PISD: variants seen among roughly 807,000 people sequenced by gnomAD.
PISD encodes phosphatidylserine decarboxylase.
A neutral mutation model predicts 43.5 loss-of-function variants in PISD; 31 were observed. The ratio of observed to expected loss-of-function variants is 0.71; its 90% CI spans 0.54 to 0.96. The LOEUF (loss-of-function observed/expected upper bound fraction) is 0.96. Among genes scored for constraint, PISD ranks in the 40% least tolerant of loss-of-function variants. PISD has a pLI of 0.00. For missense variants in PISD, 523 were observed against 548.4 expected (o/e 0.95, Z 0.46); for synonymous variants, 259 against 228.7 (o/e 1.13, Z -1.20).
At chr22:31,625,732 T>TG in intron 3 of PISD, 1 of 1,564,850 alleles carries the variant, frequency 6.4e-7, no homozygotes, top group Non-Finnish European at 8.7e-7. Context: ...CGGGGAACCG[T>TG]GGGGTTAGGG....
chr22:31,660,566 A>C (rs1403095636), intron 1 of PISD, among the ~76,000 whole-genome samples: 1 of 152,054 alleles, frequency 6.6e-6, no homozygotes, highest in Admixed American at 6.6e-5. Flanking sequence ...GCTGAGGTGG[A>C]AGAACTGCTT....
At chr22:31,623,318 C>T (rs1211886626) in intron 3 of PISD, among the ~76,000 whole-genome samples, 2 of 152,242 alleles carry the variant, frequency 1.3e-5, no homozygotes, top group African/African-American at 4.8e-5. Context: ...ATTAATTTGG[C>T]TTCTGTTCAA....
At chr22:31,623,429 A>T (rs1471469772) in intron 3 of PISD, among the ~76,000 whole-genome samples, 5 of 152,216 alleles carry the variant, frequency 3.3e-5, no homozygotes, top group African/African-American at 1.2e-4. Flanking sequence ...CAGAGCCCCA[A>T]ATGGCAGACA....
intron 5 of PISD, 62 bp downstream of exon 5, chr22:31,621,272 C>T: frequency 1.9e-6 from 3 of 1,611,308 alleles, no homozygotes; most frequent in Non-Finnish European, 2.5e-6. Flanking sequence ...CAGCATTCCC[C>T]TCCCTCCCGG....
At chr22:31,629,354 AGGGTGTGTGTAGGGGGTGTGTAGGTGT>A in intron 3 of PISD, 1 of 291,752 alleles carries the variant, frequency 3.4e-6, no homozygotes. Flanking sequence ...TGTAGGTGTG[AGGGTGTGTGTAGGGGGTGTGTAGGTGT>A]GAGTGTGTTA....
rs1601402265 is a variant in PISD, at chr22:31,639,338, A to C, written c.321+8763T>G. On this transcript the variant is annotated intron_variant, in intron 3 of 7. Coordinates refer to ENST00000439502, the MANE Select transcript of PISD (RefSeq NM_001326411.2). ...AGGCGCCCGCCACCACACCCAGCAA[A>C]TGTTTTTGCATTTTTAGTAGAGACG... Among the ~76,000 whole-genome samples the C allele has an allele frequency of 2.0e-5, 3 of 152,064 alleles. No individual in the cohort carries two copies. In the South Asian group the frequency reaches 6.2e-4, roughly 32 times the overall value.
intron 3 of PISD, among the ~76,000 whole-genome samples, chr22:31,645,340 G>A (rs1291516363): frequency 2.0e-5 from 3 of 151,672 alleles, no homozygotes; most frequent in Non-Finnish European, 4.4e-5. Flanking sequence ...AGGAGGTCAG[G>A]GATGCAGTGA....
chr22:31,656,734 G>A (rs891932989), intron 1 of PISD, among the ~76,000 whole-genome samples: 1 of 152,062 alleles, frequency 6.6e-6, no homozygotes, highest in Non-Finnish European at 1.5e-5. Flanking sequence ...CAGATCTCTA[G>A]CTACTTTCCC....
chr22:31,657,981 G>A (rs1054063347), intron 1 of PISD, among the ~76,000 whole-genome samples: 10 of 152,164 alleles, frequency 6.6e-5, no homozygotes, highest in African/African-American at 2.4e-4. Flanking sequence ...TTGTCTTTCT[G>A]TTGAGCACTA....
intron 3 of PISD, among the ~76,000 whole-genome samples, chr22:31,637,154 AAAAAAAAAAAAT>A (rs1228853748): frequency 4.4e-4 from 19 of 43,198 alleles, no homozygotes; most frequent in Non-Finnish European, 5.6e-4. Context: ...AAAAAAAAAA[AAAAAAAAAAAAT>A]ATATATATAT....
chr22:31,640,981 G>C (rs1341434276), intron 3 of PISD, among the ~76,000 whole-genome samples: 1 of 138,246 alleles, frequency 7.2e-6, no homozygotes, highest in Non-Finnish European at 1.5e-5. Context: ...TCCACCTCCT[G>C]GGTTCAAGCG....
intron 1 of PISD, among the ~76,000 whole-genome samples, chr22:31,655,381 T>C (rs1016117707): frequency 6.6e-6 from 1 of 151,670 alleles, no homozygotes; most frequent in South Asian, 2.1e-4. Flanking sequence ...AGTGGCATGA[T>C]CATAGCTCAC....
In PISD at chr22:31,621,747, C is replaced by A; in HGVS notation, c.460G>T (p.Ala154Ser). Residue 154 changes from alanine (A) to serine (S), a missense_variant, in exon 4 of 8, where the codon GCC (alanine) becomes TCC (serine). Ala to Ser is a moderately conservative substitution (Grantham distance 99). Transcript: ENST00000439502. ...TAGTGATGCAGGTCCTCCACAGCGG[C>A]CTCTTTCATGTTCACCCCAAACGTC... The part of the protein sequence containing the change: ...IWTFGVNMKE[A>S]AVEDLHHYRN... 1.2e-6 allele frequency: 2 copies of A among 1,614,142 alleles called. No individual in the cohort carries two copies. The highest frequency in any genetic ancestry group is 1.7e-6 in the Non-Finnish European group (2 of 1,180,032).
intron 3 of PISD, among the ~76,000 whole-genome samples, chr22:31,646,637 A>C (rs1601426376): frequency 6.6e-6 from 1 of 152,324 alleles, no homozygotes; most frequent in East Asian, 1.9e-4. Flanking sequence ...AAAATCCCCA[A>C]GGTCAGAAAG....
chr22:31,644,159 G>A (rs2073816864), intron 3 of PISD, among the ~76,000 whole-genome samples: 1 of 152,046 alleles, frequency 6.6e-6, no homozygotes, highest in Non-Finnish European at 1.5e-5. Flanking sequence ...TCACCTACAG[G>A]GCTCCTGGAA....
At chr22:31,642,073 T>C (rs2073747715) in intron 3 of PISD, among the ~76,000 whole-genome samples, 1 of 151,050 alleles carries the variant, frequency 6.6e-6, no homozygotes, top group South Asian at 2.1e-4. Flanking sequence ...TTATTCATGG[T>C]GGCAAAGACC....
chr22:31,620,767 C>T (rs2072512927), intron 6 of PISD, 54 bp from the exon 7 acceptor site: 9 of 1,598,864 alleles, frequency 5.6e-6, no homozygotes, highest in Non-Finnish European at 7.7e-6. Flanking sequence ...TGTGTCCACC[C>T]CATGGCAGCC....
chr22:31,620,579 C>T lies in PISD; in HGVS notation c.979G>A (p.Gly327Ser), dbSNP rs2072498975. The change falls in exon 7 of 8, where the codon GGC (glycine) becomes AGC (serine). Residue 327 changes from glycine to serine, a missense_variant. Physicochemically the swap from Gly to Ser is moderately conservative, Grantham distance 56. Transcript: ENST00000439502. Reference sequence around the variant, plus strand: ...CGGTCAAAGTAGATGCGAATGGAGCCCACGTTGGTGGCCCCCACAGCTGTC... The same window carrying T: ...CGGTCAAAGTAGATGCGAATGGAGCTCACGTTGGTGGCCCCCACAGCTGTC... ...SLTAVGATNV[G>S]SIRIYFDRDL... The T allele has an allele frequency of 6.2e-7, 1 of 1,614,226 alleles. No individual in the cohort carries two copies. The highest frequency in any genetic ancestry group is 1.3e-5 in the African/African-American group (1 of 75,062).
intron 3 of PISD, among the ~76,000 whole-genome samples, chr22:31,625,141 G>A (rs1201233821): frequency 6.6e-6 from 1 of 152,246 alleles, no homozygotes; most frequent in Non-Finnish European, 1.5e-5. Context: ...AAGGAACAAA[G>A]CAGCATCTCA....
Sources: gnomAD v4.1 joint callset for allele counts (sites outside exome capture counted in the v4.1 genomes callset) on GRCh38, gnomAD v4.1.1 for gene constraint, MANE v1.5 for transcripts, NCBI Gene and HGNC (gene_info 2026-07-23, HGNC 2026-07-21) for gene names.